The following DNAH9 variants were observed in gnomAD, a reference collection of about 807,000 sequenced individuals.
DNAH9 encodes the protein dynein axonemal heavy chain 9, also known as DNAH9 variant protein.
DNAH9 carries 345 observed loss-of-function variants against 471.6 expected under a neutral mutation model. That is an observed-to-expected ratio of 0.73 (90% CI 0.67 to 0.80). The LOEUF (loss-of-function observed/expected upper bound fraction) is 0.80, where lower values mean the gene tolerates loss of function less well. DNAH9 is among the 30% of genes least tolerant of loss of function. The pLI is 0.00. For synonymous variants in DNAH9, 2,093 were observed against 2,123.6 expected, an observed-to-expected ratio of 0.99 and a Z score of 0.40; for missense variants, 5,407 against 5,609.2, an observed-to-expected ratio of 0.96 and a Z score of 1.15.
intron 4 of DNAH9, 57 bp from the exon 5 acceptor site, chr17:11,617,354 C>A: frequency 7.8e-7 from 1 of 1,274,862 alleles, no homozygotes; most frequent in African/African-American, 1.5e-5. Context: ...ACTAGGGCTC[C>A]ACCAGGTGGG....
In DNAH9 at chr17:11,871,669, GT is replaced by G. The variant is rs867177356; in HGVS notation, c.10127del (p.Leu3376TyrfsTer8). The G allele has an allele frequency of 6.2e-7, 1 of 1,614,192 alleles. No individual in the cohort carries two copies. Among genetic ancestry groups the G allele is most frequent in the South Asian group, 1.1e-5 (1 of 91,084 alleles). On this transcript the variant is annotated frameshift_variant, in exon 52 of 69. Transcript: ENST00000262442. LOFTEE classifies it high-confidence loss of function. ...AGAACTTCAAACAGCAGGAAAGGAC[GT>G]TATGTGGAGACATTTTACTTATAAC... ...VQNFKQQERT[L>X]CGDILLITAF...
intron 38 of DNAH9, among the ~76,000 whole-genome samples, chr17:11,776,316 G>A (rs1404585806): frequency 6.6e-6 from 1 of 150,758 alleles, no homozygotes; most frequent in Non-Finnish European, 1.5e-5. Flanking sequence ...CTTCAAGGTG[G>A]CAGAATGGCT....
At position 11,966,279 on chromosome 17, in the gene DNAH9, C is replaced by T. The variant is rs550934813; in HGVS notation, c.13234-3021C>T. On this transcript the variant is annotated intron_variant, in intron 68 of 68. Transcript: ENST00000262442. ...TAATAGCTGATTGCTCATCAGAAAC[C>T]ATGAAAGAGGAAGGCAGTACGATGG... Among the ~76,000 whole-genome samples, 16 of 152,216 alleles carry T rather than the reference C, an allele frequency of 1.1e-4. No homozygotes were observed. In the East Asian group the frequency reaches 3.1e-3, roughly 29 times the overall value.
intron 24 of DNAH9, 149 bp downstream of exon 24, chr17:11,701,396 C>A: frequency 1.3e-6 from 1 of 790,616 alleles, no homozygotes. Flanking sequence ...GAGGGGTCAG[C>A]AGGTGGGAGC....
chr17:11,905,266 T>C (rs1597809704), intron 60 of DNAH9, among the ~76,000 whole-genome samples: 1 of 149,662 alleles, frequency 6.7e-6, no homozygotes. Context: ...TAGCGTACCG[T>C]AGGGCCTTAA....
Position 11,744,828 on chromosome 17 carries a change from A to G in DNAH9, c.6143A>G (p.Lys2048Arg), listed in dbSNP as rs775052915. Residue 2048 changes from lysine to arginine, a missense_variant, in exon 31 of 69, where the codon AAG becomes AGG. By Grantham distance (26) the Lys-to-Arg change is conservative (BLOSUM62 2). Transcript: ENST00000262442. ...TACGACTGGGGCCTACGGGCCATCA[A>G]GTCCGTGCTGGTGGTGGCAGGATCC... ...DHYDWGLRAI[K>R]SVLVVAGSLK... is the part of the protein sequence containing the mutation. The G allele has an allele frequency of 5.6e-6, 9 of 1,613,866 alleles. No homozygotes were observed. Among genetic ancestry groups the G allele is most frequent in the East Asian group, 4.5e-5 (2 of 44,876 alleles).
In DNAH9 at chr17:11,688,082, C is replaced by CAAAAAAA. The variant is rs145792851; in HGVS notation, c.3744-1472_3744-1466dup. ...CCGGGAGGCGGAGATTGCAGTAAGC[C>CAAAAAAA]AAAAAAAAAAAAAAAAAAGAAAAAG... On this transcript the variant is annotated intron_variant, in intron 19 of 68. Coordinates refer to ENST00000262442, the MANE Select transcript of DNAH9 (RefSeq NM_001372.4). Among the ~76,000 whole-genome samples, 33 of 59,666 alleles carry CAAAAAAA rather than the reference C, an allele frequency of 5.5e-4. 9 individuals are homozygous for CAAAAAAA. The highest frequency in any genetic ancestry group is 1.1e-3 in the East Asian group (2 of 1,782). The allele number at this position is 59,666 out of a possible 152,430, so 39.1% of individuals were successfully genotyped here. A position where few individuals can be genotyped will look rare whatever the true frequency, so the allele number is the denominator to read the frequency against.
At chr17:11,889,606 C>A (rs1296466785) in intron 57 of DNAH9, among the ~76,000 whole-genome samples, 1 of 152,240 alleles carries the variant, frequency 6.6e-6, no homozygotes, top group Non-Finnish European at 1.5e-5. Context: ...GAGCGTTGCT[C>A]ATACTTTGCC....
chr17:11,692,754 TA>T (rs779679349), intron 20 of DNAH9, among the ~76,000 whole-genome samples: 64 of 152,226 alleles, frequency 4.2e-4, no homozygotes, highest in Non-Finnish European at 8.2e-4. Context: ...GATATCATAA[TA>T]AATTGATACA....
In DNAH9 at chr17:11,757,659, A is replaced by T. The variant is rs1291597762; in HGVS notation, c.6962A>T (p.Tyr2321Phe). 4.3e-6 allele frequency: 7 copies of T among 1,614,128 alleles called. No homozygotes were observed. Among genetic ancestry groups the T allele is most frequent in the Non-Finnish European group, 5.9e-6 (7 of 1,180,024 alleles). ...RANLTILFDKYLPTCLDTLRT... is the reference protein window; with the variant it reads ...RANLTILFDKFLPTCLDTLRT... The stretch of plus-strand genomic sequence containing the variant: ...AACTTAACCATTTTGTTCGACAAGT[A>T]TCTTCCAACCTGCCTAGACACACTC... Residue 2321 changes from tyrosine (Y) to phenylalanine (F), a missense_variant, in exon 35 of 69, where the codon TAT (tyrosine) becomes TTT (phenylalanine). Transcript: ENST00000262442.
At chr17:11,795,665 TAG>T (rs1567807937) in intron 42 of DNAH9, among the ~76,000 whole-genome samples, 1 of 152,230 alleles carries the variant, frequency 6.6e-6, no homozygotes, top group East Asian at 1.9e-4. Context: ...CTGAGCATCA[TAG>T]AGTTACCCAA....
chr17:11,950,350 T>C (rs1241503977), intron 67 of DNAH9, among the ~76,000 whole-genome samples: 1 of 152,332 alleles, frequency 6.6e-6, no homozygotes, highest in South Asian at 2.1e-4. Context: ...TCATAAAAAG[T>C]AGTTTCACTG....
intron 50 of DNAH9, among the ~76,000 whole-genome samples, chr17:11,857,555 G>A (rs776227269): frequency 6.6e-6 from 1 of 152,208 alleles, no homozygotes; most frequent in Non-Finnish European, 1.5e-5. Flanking sequence ...ATAATTCCAA[G>A]TAAATAATCT....
intron 31 of DNAH9, 84 bp downstream of exon 31, chr17:11,745,168 AG>A: frequency 8.2e-7 from 1 of 1,223,212 alleles, no homozygotes; most frequent in Non-Finnish European, 1.2e-6. Context: ...CATAATCCAA[AG>A]GGTTGTTTTA....
At chr17:11,735,342 G>A (rs1169784853) in intron 28 of DNAH9, among the ~76,000 whole-genome samples, 1 of 152,100 alleles carries the variant, frequency 6.6e-6, no homozygotes, top group Non-Finnish European at 1.5e-5. Context: ...ATTGCCACAC[G>A]ACCCCTGGGA....
intron 31 of DNAH9, among the ~76,000 whole-genome samples, chr17:11,746,503 G>A (rs1216065538): frequency 6.6e-6 from 1 of 152,094 alleles, no homozygotes. Flanking sequence ...CCTCCTCCCT[G>A]CACCATGCTG....
chr17:11,619,366 C>G (rs1465661085), intron 5 of DNAH9, among the ~76,000 whole-genome samples, 182 bp from the exon 6 acceptor site: 1 of 152,146 alleles, frequency 6.6e-6, no homozygotes, highest in African/African-American at 2.4e-5. Flanking sequence ...GCTTCAGTGA[C>G]TAAGACTATT....
intron 41 of DNAH9, among the ~76,000 whole-genome samples, chr17:11,788,643 G>A (rs1314468336): frequency 2.6e-5 from 4 of 152,048 alleles, no homozygotes; most frequent in African/African-American, 9.7e-5. Context: ...AGTATTATAT[G>A]TGTATCTCTA....
chr17:11,786,531 T>C (rs1968876590), intron 41 of DNAH9, among the ~76,000 whole-genome samples: 1 of 152,204 alleles, frequency 6.6e-6, no homozygotes, highest in Non-Finnish European at 1.5e-5. Flanking sequence ...TTTACATCTA[T>C]GAATGCACTT....
Sources: allele counts gnomAD v4.1 joint callset (sites outside exome capture counted in the v4.1 genomes callset), GRCh38; gene constraint gnomAD v4.1.1; transcripts MANE v1.5; gene names NCBI Gene and HGNC (gene_info 2026-07-23, HGNC 2026-07-21).